The following MAGI2 variants were observed in gnomAD, a reference collection of about 807,000 sequenced individuals.
MAGI2 encodes membrane associated guanylate kinase, WW and PDZ domain containing 2.
In MAGI2, 35 loss-of-function variants were observed where a neutral mutation model predicts 133.3. The observed-to-expected ratio is 0.26, with a 90% CI of 0.20 to 0.35. MAGI2 has a LOEUF of 0.35. Ranked by LOEUF, MAGI2 falls within the 10% of genes least tolerant of loss-of-function variation. MAGI2 has a pLI of 1.00. For missense variants in MAGI2, 1,636 were observed against 1,863.4 expected (o/e 0.88, Z 2.25); for synonymous variants, 729 against 710.6 (o/e 1.03, Z -0.41).
intron 6 of MAGI2, among the ~76,000 whole-genome samples, chr7:78,401,568 C>T (rs142122326): frequency 4.5e-4 from 69 of 152,006 alleles, no homozygotes; most frequent in African/African-American, 1.4e-3. Flanking sequence ...GCTTTATTCC[C>T]GTTACATATA....
intron 1 of MAGI2, among the ~76,000 whole-genome samples, chr7:79,030,950 A>C (rs1810512393): frequency 6.6e-6 from 1 of 152,216 alleles, no homozygotes; most frequent in Non-Finnish European, 1.5e-5. Context: ...GATTACTTTC[A>C]CAAGTGGCTC....
chr7:78,299,313 T>C (rs1797620961), intron 9 of MAGI2, among the ~76,000 whole-genome samples: 1 of 152,188 alleles, frequency 6.6e-6, no homozygotes, highest in Admixed American at 6.5e-5. Context: ...ACATGAAATA[T>C]GCTATTCATC....
chr7:79,113,391 T>G (rs1222474014), intron 1 of MAGI2, among the ~76,000 whole-genome samples: 1 of 152,232 alleles, frequency 6.6e-6, no homozygotes, highest in Non-Finnish European at 1.5e-5. Context: ...CACTTTCATT[T>G]TTGTTGGTTA....
intron 14 of MAGI2, among the ~76,000 whole-genome samples, chr7:78,175,776 G>A (rs571789252): frequency 6.2e-4 from 95 of 152,172 alleles, no homozygotes; most frequent in Non-Finnish European, 1.2e-3. Flanking sequence ...GGCTCACTCT[G>A]GATAATGACA....
chr7:79,434,024 A>G (rs1438659267), intron 1 of MAGI2, among the ~76,000 whole-genome samples: 1 of 152,088 alleles, frequency 6.6e-6, no homozygotes, highest in Non-Finnish European at 1.5e-5. Flanking sequence ...TGCTTAATCT[A>G]TCATTTCTAT....
intron 2 of MAGI2, among the ~76,000 whole-genome samples, chr7:78,725,614 C>A (rs4730476): frequency 0.068 from 10,400 of 152,128 alleles, 432 homozygotes; most frequent in African/African-American, 0.092. Context: ...CTGGCTAACA[C>A]GGTGAAACCC....
intron 1 of MAGI2, among the ~76,000 whole-genome samples, chr7:79,250,348 C>CAAAAAAAAAAAAAAAAA (rs61147108): frequency 7.7e-6 from 1 of 130,530 alleles, no homozygotes; most frequent in Non-Finnish European, 1.6e-5. Flanking sequence ...ATGACTCTAC[C>CAAAAAAAAAAAAAAAAA]AAAAAAAAAA....
chr7:78,988,423 A>C (rs149342170), intron 2 of MAGI2, among the ~76,000 whole-genome samples: 1 of 152,088 alleles, frequency 6.6e-6, no homozygotes, highest in Admixed American at 6.6e-5. Flanking sequence ...AAAACAAAAA[A>C]ATATAGTCAC....
At chr7:78,440,910 A>G (rs1165889462) in intron 6 of MAGI2, among the ~76,000 whole-genome samples, 2 of 152,056 alleles carry the variant, frequency 1.3e-5, no homozygotes, top group East Asian at 3.9e-4. Context: ...CTGAGATCGC[A>G]CCACTGCACT....
intron 1 of MAGI2, among the ~76,000 whole-genome samples, chr7:79,295,689 G>A (rs1045404104): frequency 6.6e-6 from 1 of 151,886 alleles, no homozygotes; most frequent in African/African-American, 2.4e-5. Context: ...TGCAGCTAGT[G>A]AAGCCAGGCT....
chr7:79,103,811 T>C (rs1818201098), intron 1 of MAGI2, among the ~76,000 whole-genome samples: 1 of 152,126 alleles, frequency 6.6e-6, no homozygotes, highest in African/African-American at 2.4e-5. Flanking sequence ...GCCATTCTAC[T>C]GCCTCAGCCT....
At chr7:78,856,517 C>T (rs1038747972) in intron 2 of MAGI2, among the ~76,000 whole-genome samples, 4 of 152,126 alleles carry the variant, frequency 2.6e-5, no homozygotes, top group African/African-American at 9.7e-5. Flanking sequence ...GAATCCTTTC[C>T]CCATTGCTTG....
Position 79,005,443 on chromosome 7 carries a change from C to T in MAGI2, c.418+1647G>A, listed in dbSNP as rs944762135. ...CTGTTTTACCCTTATATTTACTTTT[C>T]CTTCGTAGTCTTCTTTGGTACTCTA... On this transcript the variant is annotated intron_variant, in intron 2 of 21. Transcript: ENST00000354212. Among the ~76,000 whole-genome samples the T allele has an allele frequency of 3.3e-5, 5 of 152,072 alleles. No homozygotes were observed. The South Asian group carries it at 1.0e-3, about 31-fold the overall frequency.
At chr7:78,233,563 T>C (rs73702344) in intron 10 of MAGI2, among the ~76,000 whole-genome samples, 8,529 of 152,104 alleles carry the variant, frequency 0.056, 812 homozygotes, top group African/African-American at 0.2. Flanking sequence ...TGTAGGCCCA[T>C]ACTTGGATAA....
At chr7:78,235,557 C>T (rs1167850314) in intron 10 of MAGI2, among the ~76,000 whole-genome samples, 1 of 152,034 alleles carries the variant, frequency 6.6e-6, no homozygotes, top group East Asian at 1.9e-4. Context: ...GGACTTTTCC[C>T]CCTTTGCTTG....
chr7:79,425,590 ATATATATATG>A (rs764718827), intron 1 of MAGI2, among the ~76,000 whole-genome samples: 245 of 58,648 alleles, frequency 4.2e-3, no homozygotes, highest in East Asian at 0.026. Context: ...ATATATATAT[ATATATATATG>A]TATATATATG....
intron 1 of MAGI2, among the ~76,000 whole-genome samples, chr7:79,030,949 C>A (rs1402921791): frequency 6.6e-6 from 1 of 152,156 alleles, no homozygotes. Flanking sequence ...TGATTACTTT[C>A]ACAAGTGGCT....
intron 1 of MAGI2, among the ~76,000 whole-genome samples, chr7:79,090,567 G>A (rs549777391): frequency 5.9e-5 from 9 of 152,126 alleles, no homozygotes; most frequent in East Asian, 1.9e-4. Flanking sequence ...ATCTGAATTC[G>A]TAGCTCATGC....
intron 2 of MAGI2, among the ~76,000 whole-genome samples, chr7:78,630,582 A>G (rs1314134811): frequency 6.6e-6 from 1 of 151,542 alleles, no homozygotes; most frequent in Non-Finnish European, 1.5e-5. Flanking sequence ...ACACCTGGCT[A>G]ATTTTTGTAG....
Sources: gnomAD v4.1 joint callset for allele counts (sites outside exome capture counted in the v4.1 genomes callset) on GRCh38, gnomAD v4.1.1 for gene constraint, MANE v1.5 for transcripts, NCBI Gene and HGNC (gene_info 2026-07-23, HGNC 2026-07-21) for gene names.